Variants in TVP23C observed in about 807,000 individuals in gnomAD.
TVP23C encodes the protein trans-golgi network vesicle protein 23 homolog C, also known as Golgi apparatus membrane protein TVP23 homolog C.
A neutral mutation model predicts 28.7 loss-of-function variants in TVP23C; 19 were observed. The ratio of observed to expected loss-of-function variants is 0.66; its 90% CI spans 0.46 to 0.97. The LOEUF is 0.97. TVP23C is among the 50% of genes least tolerant of loss of function. TVP23C has a pLI of 0.00. For missense variants in TVP23C, 186 were observed against 241.3 expected, an observed-to-expected ratio of 0.77 and a Z score of 1.52; for synonymous variants, 68 against 81.7, an observed-to-expected ratio of 0.83 and a Z score of 0.90.
At chr17:15,512,661 T>C (rs999970295) in intron 5 of TVP23C, among the ~76,000 whole-genome samples, 1 of 152,180 alleles carries the variant, frequency 6.6e-6, no homozygotes, top group Non-Finnish European at 1.5e-5. Flanking sequence ...ACATCATATA[T>C]ATATATGTAA....
intron 5 of TVP23C, among the ~76,000 whole-genome samples, chr17:15,511,047 T>C (rs12325899): frequency 0.78 from 106,814 of 136,880 alleles, 42,356 homozygotes; most frequent in Middle Eastern, 0.88. Flanking sequence ...GGGCCAGACT[T>C]CGTCTCAAAA....
intron 5 of TVP23C, among the ~76,000 whole-genome samples, chr17:15,517,192 C>T (rs1982265606): frequency 6.6e-6 from 1 of 152,186 alleles, no homozygotes; most frequent in South Asian, 2.1e-4. Context: ...CCCTGTCACC[C>T]CCCAACTGAT....
intron 5 of TVP23C, among the ~76,000 whole-genome samples, chr17:15,543,949 G>C (rs556637872): frequency 5.3e-5 from 8 of 151,978 alleles, no homozygotes; most frequent in African/African-American, 9.7e-5. Flanking sequence ...TAAATGCAAA[G>C]ATTTAACAGA....
intron 2 of TVP23C, among the ~76,000 whole-genome samples, chr17:15,554,099 A>C (rs1597546159): frequency 6.6e-6 from 1 of 152,270 alleles, no homozygotes; most frequent in East Asian, 1.9e-4. Context: ...ATAATAAAGA[A>C]TTTTACCTCT....
At chr17:15,536,609 C>T (rs965710527), downstream of TVP23C, among the ~76,000 whole-genome samples, 7 of 151,802 alleles carry the variant, frequency 4.6e-5, no homozygotes, top group Non-Finnish European at 7.4e-5. Context: ...GTTTAGGATG[C>T]AGTTCAAATA....
chr17:15,550,695 CCTTT>C (rs1450699538), intron 3 of TVP23C, among the ~76,000 whole-genome samples: 1 of 152,158 alleles, frequency 6.6e-6, no homozygotes, highest in Non-Finnish European at 1.5e-5. Flanking sequence ...CATAAAATCA[CCTTT>C]TTTTGTTCCT....
chr17:15,554,338 C>T (rs1254408702), intron 2 of TVP23C, among the ~76,000 whole-genome samples: 1 of 149,464 alleles, frequency 6.7e-6, no homozygotes, highest in African/African-American at 2.5e-5. Context: ...CCTGGGTTCA[C>T]GCCATTGTCC....
intron 5 of TVP23C, among the ~76,000 whole-genome samples, chr17:15,523,545 G>A (rs1567634484): frequency 1.3e-5 from 2 of 151,396 alleles, no homozygotes; most frequent in Non-Finnish European, 2.9e-5. Context: ...TTGACCTCAG[G>A]TGATCCACCC....
chr17:15,519,071 T>C, intron 5 of TVP23C, among the ~76,000 whole-genome samples: 1 of 152,148 alleles, frequency 6.6e-6, no homozygotes, highest in East Asian at 1.9e-4. Context: ...ACCATGACTA[T>C]AAGTTTCCTG....
chr17:15,518,167 C>CAAAA (rs895582466), intron 5 of TVP23C, among the ~76,000 whole-genome samples: 93 of 53,998 alleles, frequency 1.7e-3, no homozygotes, highest in Middle Eastern at 0.013. Flanking sequence ...GACTCCATCT[C>CAAAA]AAAAAAAAAA....
In TVP23C at chr17:15,510,161, T is replaced by C. The variant is rs1332229179; in HGVS notation, c.463-6929A>G. On this transcript the variant is annotated intron_variant, in intron 5 of 5. Transcript: ENST00000225576. Reference sequence around the variant, plus strand: ...TGATTTGCAGCAAGCATTCAGGAAATGTTTCTGTTTGCTTTTTTCGGGGTT... The same window carrying C: ...TGATTTGCAGCAAGCATTCAGGAAACGTTTCTGTTTGCTTTTTTCGGGGTT... Among the ~76,000 whole-genome samples, 3 of 152,192 alleles carry C rather than the reference T, an allele frequency of 2.0e-5. No individual in the cohort carries two copies. The East Asian group carries it at 5.8e-4, about 29-fold the overall frequency.
intron 5 of TVP23C, among the ~76,000 whole-genome samples, chr17:15,503,880 G>A (rs369734518): frequency 1.3e-5 from 2 of 152,108 alleles, no homozygotes; most frequent in East Asian, 1.9e-4. Context: ...AGGGTTCTAG[G>A]AGGAGTGGGT....
chr17:15,561,460 A>T (rs1200150573), intron 1 of TVP23C, among the ~76,000 whole-genome samples: 1 of 151,360 alleles, frequency 6.6e-6, no homozygotes, highest in Admixed American at 6.6e-5. Flanking sequence ...TTAGCCGGGC[A>T]TGGTGGCGGG....
At chr17:15,514,687 T>G (rs919720488) in intron 5 of TVP23C, among the ~76,000 whole-genome samples, 2 of 152,196 alleles carry the variant, frequency 1.3e-5, no homozygotes, top group Non-Finnish European at 2.9e-5. Context: ...TGTAAACGAT[T>G]GGGGTCAAAG....
chr17:15,541,639 T>C (rs556802283), intron 5 of TVP23C, among the ~76,000 whole-genome samples: 1 of 152,324 alleles, frequency 6.6e-6, no homozygotes, highest in Admixed American at 6.5e-5. Context: ...TAATGTTTAA[T>C]TAATAGATTT....
chr17:15,527,342 T>C (rs898803880), intron 5 of TVP23C, among the ~76,000 whole-genome samples: 4 of 151,958 alleles, frequency 2.6e-5, no homozygotes, highest in African/African-American at 9.7e-5. Flanking sequence ...ATCTTTAACT[T>C]GTTCTAAACA....
intron 5 of TVP23C, among the ~76,000 whole-genome samples, chr17:15,513,528 A>G (rs192701788): frequency 9.1e-4 from 138 of 152,356 alleles, no homozygotes; most frequent in African/African-American, 3.0e-3. Context: ...GTCGATAGCA[A>G]GGGACCAAGA....
At chr17:15,553,352 G>C (rs968619633) in intron 3 of TVP23C, among the ~76,000 whole-genome samples, 3 of 151,872 alleles carry the variant, frequency 2.0e-5, no homozygotes, top group Admixed American at 6.6e-5. Context: ...AGGTAAGCCT[G>C]AAGCAAAACC....
At chr17:15,544,758 A>G (rs1029308136) in intron 5 of TVP23C, among the ~76,000 whole-genome samples, 12 of 152,296 alleles carry the variant, frequency 7.9e-5, no homozygotes, top group Non-Finnish European at 1.6e-4. Context: ...TACCAGAAGA[A>G]CTGAAAAAAG....
Sources: allele counts gnomAD v4.1 joint callset (sites outside exome capture counted in the v4.1 genomes callset), GRCh38; gene constraint gnomAD v4.1.1; transcripts MANE v1.5; gene names NCBI Gene and HGNC (gene_info 2026-07-23, HGNC 2026-07-21).